Variants in CRYL1 observed in about 807,000 individuals in gnomAD.
The protein encoded by CRYL1 is crystallin lambda 1.
Under a neutral mutation model 36.6 loss-of-function variants are expected in CRYL1, and 29 were observed. The ratio of observed to expected loss-of-function variants is 0.79; its 90% CI spans 0.59 to 1.08. CRYL1 has a LOEUF of 1.08. CRYL1 is among the 50% of genes least tolerant of loss of function. The pLI, the probability that CRYL1 is intolerant of heterozygous loss-of-function variation, is 0.00. For missense variants in CRYL1, 411 were observed against 407.9 expected (o/e 1.01, Z -0.06); for synonymous variants, 152 against 151.5 (o/e 1.00, Z -0.02).
chr13:20,508,232 A>AAAAAT (rs1449077624), intron 2 of CRYL1, among the ~76,000 whole-genome samples: 2 of 152,192 alleles, frequency 1.3e-5, no homozygotes, highest in African/African-American at 2.4e-5. Flanking sequence ...TGGTCTCAAA[A>AAAAAT]AAAATAAAAT....
At chr13:20,460,010 T>A (rs2032774678) in intron 3 of CRYL1, among the ~76,000 whole-genome samples, 1 of 152,204 alleles carries the variant, frequency 6.6e-6, no homozygotes, top group Non-Finnish European at 1.5e-5. Context: ...TACAAACACA[T>A]ATACAAATGA....
chr13:20,435,959 C>T lies in CRYL1; in HGVS notation c.438+3634G>A, dbSNP rs115786478. Among the ~76,000 whole-genome samples the T allele has an allele frequency of 2.0e-5, 3 of 152,204 alleles. No individual in the cohort carries two copies. Among genetic ancestry groups the T allele is most frequent in the African/African-American group, 7.2e-5 (3 of 41,466 alleles). On this transcript the variant is annotated intron_variant, in intron 4 of 7. Coordinates refer to ENST00000298248, the MANE Select transcript of CRYL1 (RefSeq NM_015974.3). The surrounding 1 kb of genome is among the most constrained non-coding windows in gnomAD (Gnocchi z 4.0). Reference sequence around the variant, plus strand: ...CGGCGGCGCGCTCGCAGGGAGGGCTCAAAGGCAGCTCGGAGCGGCCGCAGG... The same window carrying T: ...CGGCGGCGCGCTCGCAGGGAGGGCTTAAAGGCAGCTCGGAGCGGCCGCAGG...
At position 20,419,612 on chromosome 13, in the gene CRYL1, G is replaced by A. The variant is rs1011219887; in HGVS notation, c.634-6225C>T. 6.4e-4 allele frequency among the ~76,000 whole-genome samples: 98 copies of A among 151,952 alleles called. 1 individual carries two copies. Among genetic ancestry groups the A allele is most frequent in the East Asian group, 3.9e-4 (2 of 5,188 alleles). On this transcript the variant is annotated intron_variant, in intron 5 of 7. Coordinates refer to ENST00000298248, the MANE Select transcript of CRYL1 (RefSeq NM_015974.3). ...TGGATAATTTTGTATTTTTAGTAGC[G>A]ATGGGGTTTCTCCATGTTGGTCAGA...
At chr13:20,509,450 A>T (rs112036462) in intron 2 of CRYL1, among the ~76,000 whole-genome samples, 2 of 152,188 alleles carry the variant, frequency 1.3e-5, no homozygotes, top group Non-Finnish European at 2.9e-5. Context: ...AGGATCCTTC[A>T]TAAAACTAGT....
chr13:20,431,465 G>A (rs1408949615), intron 5 of CRYL1: 15 of 985,264 alleles, frequency 1.5e-5, no homozygotes, highest in East Asian at 1.1e-4. Flanking sequence ...AGACTTCTCC[G>A]CCTCGTCCTG....
chr13:20,477,652 T>A (rs1313980010), intron 3 of CRYL1, among the ~76,000 whole-genome samples: 1 of 146,456 alleles, frequency 6.8e-6, no homozygotes, highest in African/African-American at 2.5e-5. Flanking sequence ...TATCATTTAA[T>A]AATGTTTAAA....
intron 1 of CRYL1, among the ~76,000 whole-genome samples, chr13:20,516,591 T>C (rs1342798627): frequency 3.3e-5 from 5 of 152,058 alleles, no homozygotes; most frequent in Non-Finnish European, 5.9e-5. Context: ...GCCATTCTCC[T>C]GCCTCAGCCT....
intron 4 of CRYL1, among the ~76,000 whole-genome samples, chr13:20,438,410 C>T (rs34720574): frequency 0.27 from 41,519 of 152,032 alleles, 6,126 homozygotes; most frequent in Non-Finnish European, 0.33. Context: ...TCATGTTACC[C>T]TCCCCAAGCA....
At chr13:20,488,855 G>A (rs1189258705) in intron 3 of CRYL1, among the ~76,000 whole-genome samples, 3 of 152,206 alleles carry the variant, frequency 2.0e-5, no homozygotes, top group Non-Finnish European at 4.4e-5. Flanking sequence ...CACCTGCAGG[G>A]ACCACTCACC....
intron 3 of CRYL1, among the ~76,000 whole-genome samples, chr13:20,447,149 C>T (rs557966953): frequency 4.2e-4 from 64 of 152,264 alleles, no homozygotes; most frequent in Non-Finnish European, 7.8e-4. Flanking sequence ...CCACTTAGGA[C>T]TACTATCATA....
At chr13:20,442,945 T>G (rs1310576067) in intron 3 of CRYL1, among the ~76,000 whole-genome samples, 1 of 152,190 alleles carries the variant, frequency 6.6e-6, no homozygotes, top group African/African-American at 2.4e-5. Flanking sequence ...GTCAGAAGGA[T>G]CACCCTCTTC....
intron 5 of CRYL1, among the ~76,000 whole-genome samples, chr13:20,421,770 T>C (rs4770025): frequency 0.74 from 112,737 of 151,532 alleles, 42,686 homozygotes; most frequent in Admixed American, 0.85. Flanking sequence ...GAAGGTGTTA[T>C]AGTAACAGCA....
intron 6 of CRYL1, among the ~76,000 whole-genome samples, chr13:20,407,612 C>G (rs1166564308): frequency 6.6e-6 from 1 of 152,194 alleles, no homozygotes; most frequent in Non-Finnish European, 1.5e-5. Flanking sequence ...AATCCAGCCT[C>G]CCCTGTATTT....
chr13:20,430,547 A>G, intron 5 of CRYL1: 1 of 985,086 alleles, frequency 1.0e-6, no homozygotes, highest in African/African-American at 1.7e-5. Flanking sequence ...AGCCCAACTC[A>G]CCCCTCCGCC....
intron 5 of CRYL1, among the ~76,000 whole-genome samples, chr13:20,423,485 T>C (rs186353068): frequency 2.5e-3 from 374 of 152,338 alleles, no homozygotes; most frequent in Non-Finnish European, 4.1e-3. Flanking sequence ...ATGCTGAATG[T>C]TGTCGTGTGC....
intron 4 of CRYL1, among the ~76,000 whole-genome samples, chr13:20,436,962 A>AG (rs1157803403): frequency 6.6e-6 from 1 of 152,052 alleles, no homozygotes; most frequent in South Asian, 2.1e-4. Context: ...TTGATTCTGT[A>AG]GGGACTGCCT....
chr13:20,505,359 C>CAAAAAAAAAGAAAAAAA (rs2033775480), intron 2 of CRYL1, among the ~76,000 whole-genome samples: 1 of 91,222 alleles, frequency 1.1e-5, no homozygotes, highest in African/African-American at 3.7e-5. Context: ...TCTATCCCAC[C>CAAAAAAAAAGAAAAAAA]AAAAAAAAAA....
At chr13:20,433,974 T>C (rs1444405821) in intron 4 of CRYL1, 2 of 153,456 alleles carry the variant, frequency 1.3e-5, no homozygotes, top group Middle Eastern at 8.3e-4. Context: ...TACACCTGCA[T>C]GTCTCACACA....
At chr13:20,467,933 G>A (rs951058086) in intron 3 of CRYL1, among the ~76,000 whole-genome samples, 1 of 152,184 alleles carries the variant, frequency 6.6e-6, no homozygotes, top group African/African-American at 2.4e-5. Flanking sequence ...CGTGGCATTG[G>A]ATTCTCACAG....
Sources: allele counts gnomAD v4.1 joint callset (sites outside exome capture counted in the v4.1 genomes callset), GRCh38; gene constraint gnomAD v4.1.1; non-coding constraint Gnocchi (gnomAD v3.1); transcripts MANE v1.5; gene names NCBI Gene and HGNC (gene_info 2026-07-23, HGNC 2026-07-21).